Variants in MITF observed in about 807,000 individuals in gnomAD.
MITF encodes microphthalmia-associated transcription factor.
MITF carries 17 observed loss-of-function variants against 60.5 expected under a neutral mutation model. That is an observed-to-expected ratio of 0.28 (90% confidence interval 0.19 to 0.42). The LOEUF (loss-of-function observed/expected upper bound fraction) is 0.42, where lower values mean the gene tolerates loss of function less well. Ranked by LOEUF, MITF falls within the 10% of genes least tolerant of loss-of-function variation. MITF has a pLI of 1.00. For missense variants in MITF, 622 were observed against 683.5 expected, an observed-to-expected ratio of 0.91 and a Z score of 1.00; for synonymous variants, 260 against 248.5, an observed-to-expected ratio of 1.05 and a Z score of -0.43.
chr3:69,957,411 T>C (rs1190286080), intron 8 of MITF, among the ~76,000 whole-genome samples: 1 of 152,242 alleles, frequency 6.6e-6, no homozygotes, highest in East Asian at 1.9e-4. Context: ...ACGTTACTGT[T>C]AGAGGATTTG....
At chr3:69,906,161 G>A (rs768565667) in intron 2 of MITF, among the ~76,000 whole-genome samples, 4 of 152,092 alleles carry the variant, frequency 2.6e-5, no homozygotes, top group Non-Finnish European at 4.4e-5. Flanking sequence ...GAATTGAAGG[G>A]TTTTTTGTAA....
intron 1 of MITF, among the ~76,000 whole-genome samples, chr3:69,815,526 ATTTTC>A (rs1559647911): frequency 6.6e-6 from 1 of 152,130 alleles, no homozygotes; most frequent in East Asian, 1.9e-4. Flanking sequence ...TCTTAATAAC[ATTTTC>A]TTTTCTCCGG....
chr3:69,966,952 A>C lies in MITF; in HGVS notation c.*1704A>C. 4.3e-6 allele frequency: 1 copy of C among 232,640 alleles called. No individual in the cohort carries two copies. The highest frequency in any genetic ancestry group is 8.5e-6 in the Non-Finnish European group (1 of 117,430). 14.4% of individuals were successfully genotyped at this position (232,640 alleles called of 1,614,324 possible). On this transcript the variant is annotated 3_prime_UTR_variant, in exon 10 of 10. Coordinates refer to ENST00000352241, the MANE Select transcript of MITF (RefSeq NM_001354604.2). ...CATGTAGCATGGTGCCTATGTAGAC[A>C]ATATAAGAGCTTCCAATTTTCCTTC...
At chr3:69,928,597 A>G (rs1300178805) in intron 2 of MITF, among the ~76,000 whole-genome samples, 1 of 152,208 alleles carries the variant, frequency 6.6e-6, no homozygotes, top group African/African-American at 2.4e-5. Context: ...TTCAACTCTG[A>G]TAAGTTGCTG....
At chr3:69,760,014 G>A (rs966874034) in intron 1 of MITF, among the ~76,000 whole-genome samples, 3 of 152,142 alleles carry the variant, frequency 2.0e-5, no homozygotes, top group South Asian at 4.1e-4. Context: ...TCCTGACCTC[G>A]TGATCCACCC....
At chr3:69,956,014 A>G (rs1186441216) in intron 7 of MITF, among the ~76,000 whole-genome samples, 1 of 152,200 alleles carries the variant, frequency 6.6e-6, no homozygotes, top group Non-Finnish European at 1.5e-5. Context: ...TCTGCATAAT[A>G]TCCTCAATTT....
At chr3:69,793,879 A>T (rs765735751) in intron 1 of MITF, among the ~76,000 whole-genome samples, 5 of 152,164 alleles carry the variant, frequency 3.3e-5, no homozygotes, top group Non-Finnish European at 5.9e-5. Context: ...CTCATTTATA[A>T]GTTGTGCTAT....
At chr3:69,896,382 T>C (rs1025724985) in intron 2 of MITF, among the ~76,000 whole-genome samples, 1 of 152,224 alleles carries the variant, frequency 6.6e-6, no homozygotes, top group African/African-American at 2.4e-5. Context: ...TAAAGAAGGC[T>C]GTCTCTGGGA....
At chr3:69,959,561 G>A in intron 9 of MITF, 141 bp downstream of exon 9, 1 of 1,151,566 alleles carries the variant, frequency 8.7e-7, no homozygotes, top group Non-Finnish European at 1.3e-6. Context: ...TTCTGTGTGT[G>A]TGAATTTGCC....
rs371031432 is a variant in MITF, at chr3:69,937,882, G to A, written c.415G>A (p.Val139Ile). The A allele has an allele frequency of 1.2e-5, 19 of 1,613,944 alleles. No individual in the cohort carries two copies. The highest frequency in any genetic ancestry group is 2.7e-5 in the African/African-American group (2 of 74,902). ...CATACAGCAAGCCCAACGGCAGCAGGTAAAGCAGTACCTTTCTACCACTTT... is the reference window on the plus strand; with the variant it reads ...CATACAGCAAGCCCAACGGCAGCAGATAAAGCAGTACCTTTCTACCACTTT... ...YHIQQAQRQQ[V>I]KQYLSTTLAN... The change falls in exon 3 of 10, where the codon GTA becomes ATA. Residue 139 changes from valine to isoleucine, a missense_variant. Val to Ile is a conservative substitution (Grantham distance 29). Transcript: ENST00000352241.
At chr3:69,895,037 G>C (rs1193597020) in intron 2 of MITF, among the ~76,000 whole-genome samples, 1 of 151,858 alleles carries the variant, frequency 6.6e-6, no homozygotes, top group African/African-American at 2.4e-5. Context: ...CTCCCCATCT[G>C]AGTCGTCTCA....
chr3:69,951,248 A>G (rs991835844), intron 6 of MITF, among the ~76,000 whole-genome samples: 3 of 151,468 alleles, frequency 2.0e-5, no homozygotes, highest in Admixed American at 1.3e-4. Flanking sequence ...AGCATGCACC[A>G]CCATGCTGGA....
intron 2 of MITF, among the ~76,000 whole-genome samples, chr3:69,880,424 G>C (rs2064459890): frequency 6.6e-6 from 1 of 152,016 alleles, no homozygotes; most frequent in African/African-American, 2.4e-5. Context: ...TATTTGCGAA[G>C]ACTTAAAATA....
intron 5 of MITF, 38 bp downstream of exon 5, chr3:69,941,369 T>C: frequency 1.5e-6 from 2 of 1,340,488 alleles, no homozygotes; most frequent in Non-Finnish European, 2.1e-6. Flanking sequence ...AATCTTGAGG[T>C]GTTTCCAGGG....
At chr3:69,935,773 T>G (rs2065819314) in intron 2 of MITF, among the ~76,000 whole-genome samples, 1 of 152,210 alleles carries the variant, frequency 6.6e-6, no homozygotes, top group South Asian at 2.1e-4. Context: ...AGCTGGAAAC[T>G]ATATCTGTTT....
chr3:69,887,021 A>T (rs566121861), intron 2 of MITF, among the ~76,000 whole-genome samples: 59 of 152,202 alleles, frequency 3.9e-4, no homozygotes, highest in African/African-American at 1.4e-3. Flanking sequence ...TTCTGAAATT[A>T]TGTTTGCATT....
chr3:69,950,863 G>A (rs1278142073), intron 6 of MITF, among the ~76,000 whole-genome samples: 2 of 151,964 alleles, frequency 1.3e-5, no homozygotes, highest in Non-Finnish European at 2.9e-5. Context: ...TTATCCCAGA[G>A]ATGTCACAAG....
At chr3:69,890,020 C>T (rs1268754184) in intron 2 of MITF, among the ~76,000 whole-genome samples, 24 of 152,116 alleles carry the variant, frequency 1.6e-4, no homozygotes, top group Non-Finnish European at 2.6e-4. Flanking sequence ...TTATTAATCA[C>T]ACGAATATAA....
intron 1 of MITF, among the ~76,000 whole-genome samples, chr3:69,855,342 A>C (rs1007264048): frequency 1.3e-5 from 2 of 151,856 alleles, no homozygotes; most frequent in Non-Finnish European, 2.9e-5. Context: ...TATAATAATA[A>C]ATACATGTTA....
Sources: gnomAD v4.1 joint callset for allele counts (sites outside exome capture counted in the v4.1 genomes callset) on GRCh38, gnomAD v4.1.1 for gene constraint, MANE v1.5 for transcripts, NCBI Gene and HGNC (gene_info 2026-07-23, HGNC 2026-07-21) for gene names.